The following SNX19 variants were observed in gnomAD, a reference collection of about 807,000 sequenced individuals.
SNX19 encodes the protein sorting nexin 19, also known as sorting nexin-19.
A neutral mutation model predicts 85.2 loss-of-function variants in SNX19; 60 were observed. The observed-to-expected ratio is 0.70, with a 90% CI of 0.57 to 0.87. The LOEUF is 0.87. SNX19 is among the 40% of genes least tolerant of loss of function. The pLI, the probability that SNX19 is intolerant of heterozygous loss-of-function variation, is 0.00. For synonymous variants in SNX19, 520 were observed against 470.0 expected, an observed-to-expected ratio of 1.11 and a Z score of -1.38; for missense variants, 1,201 against 1,217.8, an observed-to-expected ratio of 0.99 and a Z score of 0.21.
rs532887496 is a variant in SNX19, at chr11:130,876,581, G to C, written c.*1841C>G. 7.6e-6 allele frequency: 1 copy of C among 130,892 alleles called. No homozygotes were observed. Among genetic ancestry groups the C allele is most frequent in the African/African-American group, 3.1e-5 (1 of 32,590 alleles). The allele number at this position is 130,892 out of a possible 1,614,324, so 8.1% of individuals were successfully genotyped here. On this transcript the variant is annotated 3_prime_UTR_variant, in exon 11 of 11. Transcript: ENST00000265909. ...GCAGCAGATTCAAAGCAACACAGGT[G>C]GCTAAGTACACATGAGGGGAAGGTA...
At chr11:130,892,260 C>G (rs1944553560) in intron 8 of SNX19, among the ~76,000 whole-genome samples, 2 of 151,380 alleles carry the variant, frequency 1.3e-5, no homozygotes, top group Admixed American at 6.6e-5. Context: ...CTGAGAAAAT[C>G]AGGACTGACA....
In SNX19 at chr11:130,870,148, TCCACC is replaced by T. The variant is rs1942962636; in HGVS notation, c.*8269_*8273del. ...TAATCCTATTAAAAACTTAGGTCAT[TCCACC>T]CCAACAGTACTCTTTCTTCCATGTC... On this transcript the variant is annotated 3_prime_UTR_variant, in exon 11 of 11. Coordinates refer to ENST00000265909, the MANE Select transcript of SNX19 (RefSeq NM_014758.3). 6.6e-6 allele frequency: 1 copy of T among 152,184 alleles called. No individual in the cohort carries two copies. Among genetic ancestry groups the T allele is most frequent in the African/African-American group, 2.4e-5 (1 of 41,440 alleles). 9.4% of individuals were successfully genotyped at this position (152,184 alleles called of 1,614,324 possible). A position where few individuals can be genotyped will look rare whatever the true frequency, so the allele number is the denominator to read the frequency against.
intron 8 of SNX19, among the ~76,000 whole-genome samples, chr11:130,902,587 CAG>C (rs922071357): frequency 6.6e-6 from 1 of 152,120 alleles, no homozygotes; most frequent in African/African-American, 2.4e-5. Context: ...CTGCCTGGCT[CAG>C]AGAGAGTGTT....
intron 2 of SNX19, among the ~76,000 whole-genome samples, chr11:130,910,594 C>T (rs1946030954): frequency 6.6e-6 from 1 of 152,116 alleles, no homozygotes; most frequent in South Asian, 2.1e-4. Flanking sequence ...TAAATCTGGG[C>T]TCAATCCCTA....
At chr11:130,909,214 A>G (rs776135998) in intron 4 of SNX19, among the ~76,000 whole-genome samples, 1 of 152,202 alleles carries the variant, frequency 6.6e-6, no homozygotes, top group Non-Finnish European at 1.5e-5. Context: ...ATAATGGATG[A>G]ATGATATCTG....
At chr11:130,883,608 G>T (rs116484014) in intron 8 of SNX19, among the ~76,000 whole-genome samples, 4 of 152,224 alleles carry the variant, frequency 2.6e-5, no homozygotes, top group African/African-American at 9.6e-5. Flanking sequence ...CTTGCACCAC[G>T]CATGGTTTAA....
In SNX19 at chr11:130,873,172, C is replaced by T. The variant is rs904287121; in HGVS notation, c.*5250G>A. On this transcript the variant is annotated 3_prime_UTR_variant, in exon 11 of 11. Transcript: ENST00000265909. ...TAAGCAGTATTCTAACTCACTAGACCGCAGGTCCACAAACTGACTCATGGG... is the reference window on the plus strand; with the variant it reads ...TAAGCAGTATTCTAACTCACTAGACTGCAGGTCCACAAACTGACTCATGGG... Among the ~76,000 whole-genome samples, 5 of 152,184 alleles carry T rather than the reference C, an allele frequency of 3.3e-5. No individual in the cohort carries two copies. Among genetic ancestry groups the T allele is most frequent in the East Asian group, 1.9e-4 (1 of 5,196 alleles).
Position 130,874,126 on chromosome 11 carries a change from G to A in SNX19, c.*4296C>T, listed in dbSNP as rs1943131653. ...CAGCCTCAAATTCCTGGGCTCAAGT[G>A]ATCCTCCTGCCTCAGCCTCCCTAGT... On this transcript the variant is annotated 3_prime_UTR_variant, in exon 11 of 11. Transcript: ENST00000265909. Among the ~76,000 whole-genome samples the A allele has an allele frequency of 6.6e-6, 1 of 151,902 alleles. No individual in the cohort carries two copies. Among genetic ancestry groups the A allele is most frequent in the African/African-American group, 2.4e-5 (1 of 41,290 alleles).
Position 130,914,690 on chromosome 11 carries a change from T to G in SNX19, c.1250A>C (p.Glu417Ala), listed in dbSNP as rs138524806. Residue 417 changes from glutamate (E) to alanine (A), a missense_variant, in exon 1 of 11, where the codon GAG becomes GCG. This residue lies in a region of SNX19 where 791 missense variants were observed against 750.9 expected (regional missense o/e 1.05). Transcript: ENST00000265909. ...CTCAGCCTCTGCTCCTTCAGATGCC[T>G]CACCATCTTTGGGTTCCAGAGCCTG... Reference protein sequence around the residue: ...SSQALEPKDGEASEGAEAEEG... With the variant: ...SSQALEPKDGAASEGAEAEEG... The G allele has an allele frequency of 2.9e-5, 46 of 1,613,998 alleles. No individual in the cohort carries two copies. In the African/African-American group the frequency reaches 5.7e-4, roughly 20 times the overall value.
In SNX19 at chr11:130,876,669, T is replaced by G. The variant is rs1943273640; in HGVS notation, c.*1753A>C. ...CCCCCTATGCTCATCGAGAATAGGA[T>G]CTTAGCCCTCACTGAAGGAGCTTAA... On this transcript the variant is annotated 3_prime_UTR_variant, in exon 11 of 11. Coordinates refer to ENST00000265909, the MANE Select transcript of SNX19 (RefSeq NM_014758.3). 6.6e-6 allele frequency: 1 copy of G among 152,606 alleles called. No homozygotes were observed. Among genetic ancestry groups the G allele is most frequent in the Admixed American group, 6.5e-5 (1 of 15,284 alleles). 9.5% of individuals were successfully genotyped at this position (152,606 alleles called of 1,614,324 possible).
rs1943071757 is a variant in SNX19, at chr11:130,872,606, G to C, written c.*5816C>G. Among the ~76,000 whole-genome samples, 1 of 152,088 alleles carries C rather than the reference G, an allele frequency of 6.6e-6. No individual in the cohort carries two copies. The highest frequency in any genetic ancestry group is 1.5e-5 in the Non-Finnish European group (1 of 68,014). On this transcript the variant is annotated 3_prime_UTR_variant, in exon 11 of 11. Coordinates refer to ENST00000265909, the MANE Select transcript of SNX19 (RefSeq NM_014758.3). The stretch of plus-strand genomic sequence containing the variant: ...TACCATAAAAGAGTGATGGCAATAT[G>C]CTAGCTGAAATTCACCCTTCGATGG...
Position 130,915,229 on chromosome 11 carries a change from T to G in SNX19, c.711A>C (p.Val237=). 1 of 1,614,250 alleles carries G rather than the reference T, an allele frequency of 6.2e-7. No individual in the cohort carries two copies. The stretch of plus-strand genomic sequence containing the variant: ...CATTGCATGTGATGAGTTCGACCAC[T>G]ACATGGCGTCCGGTACGAGTCTCCA... ...PHLETRTGRH[V]VVELITCNVI... The change falls in exon 1 of 11, where the codon GTA becomes GTC. Residue 237 remains valine (V), a synonymous_variant. Coordinates refer to ENST00000265909, the MANE Select transcript of SNX19 (RefSeq NM_014758.3).
At chr11:130,903,693 A>G (rs933237763) in intron 7 of SNX19, among the ~76,000 whole-genome samples, 3 of 138,338 alleles carry the variant, frequency 2.2e-5, no homozygotes, top group Non-Finnish European at 4.6e-5. Flanking sequence ...GTGTGTATAT[A>G]TACATATATA....
intron 7 of SNX19, 64 bp downstream of exon 7, chr11:130,905,889 C>T: frequency 6.2e-7 from 1 of 1,613,300 alleles, no homozygotes; most frequent in Non-Finnish European, 8.5e-7. Context: ...TCCAACTACC[C>T]CAAGTACCAA....
intron 8 of SNX19, among the ~76,000 whole-genome samples, chr11:130,886,279 T>G (rs1307636328): frequency 2.0e-5 from 3 of 152,192 alleles, no homozygotes; most frequent in African/African-American, 7.2e-5. Context: ...TTGTTTCGTA[T>G]GTATGTACAT....
chr11:130,911,337 GTTAAT>G, intron 2 of SNX19: 1 of 677,890 alleles, frequency 1.5e-6, no homozygotes, highest in Non-Finnish European at 1.9e-6. Context: ...ATCTGGAAAA[GTTAAT>G]TTAACTCCTC....
At chr11:130,880,481 G>A (rs1943577009) in intron 9 of SNX19, 141 bp downstream of exon 9, 1 of 708,808 alleles carries the variant, frequency 1.4e-6, no homozygotes, top group Non-Finnish European at 2.3e-6. Context: ...TATTAGCCTG[G>A]GAAATGATGG....
Position 130,870,555 on chromosome 11 carries a change from G to C in SNX19, c.*7867C>G, listed in dbSNP as rs1459719999. Among the ~76,000 whole-genome samples, 1 of 152,224 alleles carries C rather than the reference G, an allele frequency of 6.6e-6. No homozygotes were observed. The highest frequency in any genetic ancestry group is 6.5e-5 in the Admixed American group (1 of 15,292). ...GGGCAGGTCTGGTACAGACTAGCCA[G>C]TGCCCTCCACTGGAATAAGTGGTTA... On this transcript the variant is annotated 3_prime_UTR_variant, in exon 11 of 11. Transcript: ENST00000265909.
At chr11:130,907,329 G>C (rs1471422004) in intron 5 of SNX19, among the ~76,000 whole-genome samples, 34 of 151,920 alleles carry the variant, frequency 2.2e-4, no homozygotes, top group Non-Finnish European at 2.1e-4. Context: ...CAGAGACAGA[G>C]ACACACACAC....
Sources: gnomAD v4.1 joint callset for allele counts (sites outside exome capture counted in the v4.1 genomes callset) on GRCh38, gnomAD v4.1.1 for gene constraint, gnomAD v4.1.1 regional missense constraint, MANE v1.5 for transcripts, NCBI Gene and HGNC (gene_info 2026-07-23, HGNC 2026-07-21) for gene names.